The following SPOCK3 variants were observed in gnomAD, a reference collection of about 807,000 sequenced individuals.
SPOCK3 encodes testican-3.
In SPOCK3, 30 loss-of-function variants were observed where a neutral mutation model predicts 56.6. That is an observed-to-expected ratio of 0.53 (90% CI 0.40 to 0.72). The LOEUF (loss-of-function observed/expected upper bound fraction) is 0.72. SPOCK3 is among the 30% of genes least tolerant of loss of function. SPOCK3 has a pLI of 0.00. For missense variants in SPOCK3, 527 were observed against 530.0 expected (o/e 0.99, Z 0.06); for synonymous variants, 196 against 183.3 (o/e 1.07, Z -0.56).
intron 5 of SPOCK3, among the ~76,000 whole-genome samples, chr4:166,903,442 T>C (rs771633007): frequency 2.0e-4 from 31 of 152,020 alleles, no homozygotes; most frequent in Non-Finnish European, 4.4e-4. Context: ...ATGGTATTAT[T>C]ACCCCATGCT....
intron 2 of SPOCK3, among the ~76,000 whole-genome samples, chr4:167,144,318 T>C (rs1763762913): frequency 6.6e-6 from 1 of 152,016 alleles, no homozygotes; most frequent in South Asian, 2.1e-4. Flanking sequence ...ATCCATTATT[T>C]ATAATGTACA....
At chr4:166,777,709 C>A (rs1441731547) in intron 7 of SPOCK3, among the ~76,000 whole-genome samples, 1 of 152,036 alleles carries the variant, frequency 6.6e-6, no homozygotes, top group African/African-American at 2.4e-5. Context: ...TGCACCCTAG[C>A]CCAGGTCACA....
intron 2 of SPOCK3, among the ~76,000 whole-genome samples, chr4:167,118,189 T>A (rs1050196291): frequency 3.9e-5 from 6 of 152,172 alleles, no homozygotes; most frequent in Non-Finnish European, 8.8e-5. Context: ...TGTTTCTTTC[T>A]ATGTGTGTAT....
intron 2 of SPOCK3, among the ~76,000 whole-genome samples, chr4:167,168,160 G>A (rs1049612573): frequency 4.6e-5 from 7 of 152,054 alleles, no homozygotes; most frequent in African/African-American, 1.7e-4. Context: ...CCCAGTCTTG[G>A]GTATGCCTTT....
chr4:166,860,500 A>G (rs62353218), intron 6 of SPOCK3, among the ~76,000 whole-genome samples: 11,598 of 152,008 alleles, frequency 0.076, 542 homozygotes, highest in Non-Finnish European at 0.1. Context: ...ACTATTATAA[A>G]TGTTTAAGTG....
chr4:167,037,989 A>G (rs990920442), intron 3 of SPOCK3, among the ~76,000 whole-genome samples: 1 of 152,104 alleles, frequency 6.6e-6, no homozygotes, highest in East Asian at 1.9e-4. Flanking sequence ...GACAAGTACA[A>G]TTCTATACAC....
At chr4:167,180,174 G>A (rs1010947689) in intron 2 of SPOCK3, among the ~76,000 whole-genome samples, 2 of 152,080 alleles carry the variant, frequency 1.3e-5, no homozygotes, top group African/African-American at 4.8e-5. Flanking sequence ...TGATAGAGAA[G>A]AGCCAAGTAA....
intron 4 of SPOCK3, among the ~76,000 whole-genome samples, chr4:166,916,840 ATTAC>A (rs1159125436): frequency 6.6e-6 from 1 of 152,216 alleles, no homozygotes; most frequent in East Asian, 1.9e-4. Context: ...CTTTAATACA[ATTAC>A]TTATATGAAG....
chr4:166,961,389 T>A (rs1231986506), intron 4 of SPOCK3, among the ~76,000 whole-genome samples: 1 of 152,108 alleles, frequency 6.6e-6, no homozygotes, highest in Admixed American at 6.6e-5. Flanking sequence ...GATTGAAGTA[T>A]TAATTGAAGA....
chr4:167,194,005 T>C (rs1732701204), intron 2 of SPOCK3, among the ~76,000 whole-genome samples: 1 of 152,180 alleles, frequency 6.6e-6, no homozygotes, highest in African/African-American at 2.4e-5. Context: ...GTATATTAAT[T>C]TGCTTTTTGG....
At chr4:166,911,888 A>C (rs1317190706) in intron 5 of SPOCK3, among the ~76,000 whole-genome samples, 1 of 152,118 alleles carries the variant, frequency 6.6e-6, no homozygotes, top group Non-Finnish European at 1.5e-5. Context: ...ATAATATGCT[A>C]CACTACCTTT....
At chr4:167,054,407 C>A (rs939126267) in intron 3 of SPOCK3, among the ~76,000 whole-genome samples, 2 of 152,188 alleles carry the variant, frequency 1.3e-5, no homozygotes, top group Non-Finnish European at 2.9e-5. Context: ...CATGCATTTT[C>A]CCTTCAGTTT....
At chr4:166,963,535 C>G (rs1352985232) in intron 4 of SPOCK3, among the ~76,000 whole-genome samples, 1 of 151,834 alleles carries the variant, frequency 6.6e-6, no homozygotes, top group East Asian at 1.9e-4. Flanking sequence ...GGCCTTCAAG[C>G]AGCCAAAAAG....
intron 3 of SPOCK3, among the ~76,000 whole-genome samples, chr4:167,052,765 T>A (rs577201249): frequency 2.6e-5 from 4 of 152,118 alleles, no homozygotes; most frequent in African/African-American, 9.6e-5. Flanking sequence ...TCTGAAAGCA[T>A]AAAAAATAAA....
chr4:167,099,056 G>A (rs1759410816), intron 2 of SPOCK3, among the ~76,000 whole-genome samples: 1 of 151,988 alleles, frequency 6.6e-6, no homozygotes, highest in Non-Finnish European at 1.5e-5. Context: ...AGTACAGTAA[G>A]TCTGTCACAT....
chr4:166,889,139 C>T lies in SPOCK3; in HGVS notation c.580G>A (p.Val194Ile). The T allele has an allele frequency of 1.3e-6, 2 of 1,598,910 alleles. No homozygotes were observed. Among genetic ancestry groups the T allele is most frequent in the East Asian group, 2.2e-5 (1 of 44,654 alleles). The change falls in exon 6 of 11, where the codon GTT becomes ATT. Residue 194 changes from valine (V) to isoleucine (I), a missense_variant. Coordinates refer to ENST00000357545, the MANE Select transcript of SPOCK3 (RefSeq NM_001040159.2). The stretch of plus-strand genomic sequence containing the variant: ...TATTTTTGTCACTTACCTCTCTTAA[C>T]ATTTCTGCTTGTACTGGTGGGCTTA... ...SDKPTSTSRN[V>I]KRACSDLEFR...
chr4:167,089,901 A>T (rs1460233694), intron 2 of SPOCK3, among the ~76,000 whole-genome samples: 2 of 152,078 alleles, frequency 1.3e-5, no homozygotes, highest in African/African-American at 4.8e-5. Context: ...CAGCTTTTCA[A>T]TCCTTGCTCT....
At chr4:167,216,920 A>T (rs958939700) in intron 2 of SPOCK3, among the ~76,000 whole-genome samples, 1 of 152,120 alleles carries the variant, frequency 6.6e-6, no homozygotes, top group African/African-American at 2.4e-5. Flanking sequence ...ATTATGTTGC[A>T]AAAGTAAACA....
chr4:166,841,752 T>G (rs959521104), intron 6 of SPOCK3, among the ~76,000 whole-genome samples: 4 of 152,230 alleles, frequency 2.6e-5, no homozygotes, highest in African/African-American at 9.6e-5. Flanking sequence ...CACTCCTACC[T>G]CCTGCTCTGT....
Sources: allele counts gnomAD v4.1 joint callset (sites outside exome capture counted in the v4.1 genomes callset), GRCh38; gene constraint gnomAD v4.1.1; transcripts MANE v1.5; gene names NCBI Gene and HGNC (gene_info 2026-07-23, HGNC 2026-07-21).